The following ASXL1 variants were observed in gnomAD, a reference collection of about 807,000 sequenced individuals.
ASXL1 encodes ASXL transcriptional regulator 1, also known as polycomb group protein ASXL1.
ASXL1 carries 65 observed loss-of-function variants against 89.1 expected under a neutral mutation model. That is an observed-to-expected ratio of 0.73 (90% CI 0.60 to 0.90). The LOEUF (loss-of-function observed/expected upper bound fraction) is 0.90. Among genes scored for constraint, ASXL1 ranks in the 40% least tolerant of loss-of-function variants. The probability of loss-of-function intolerance (pLI) is 0.00; values close to 1 mark genes in which losing one functional copy is unlikely to be tolerated. For missense variants in ASXL1, 1,786 were observed against 1,942.9 expected (o/e 0.92, Z 1.52); for synonymous variants, 739 against 746.9 (o/e 0.99, Z 0.17).
chr20:32,427,409 G>T (rs2011350217), intron 4 of ASXL1: 1 of 153,490 alleles, frequency 6.5e-6, no homozygotes, highest in Non-Finnish European at 1.4e-5. Flanking sequence ...CATTCCTGTA[G>T]TTAATATTCT....
chr20:32,361,945 T>G (rs550375246), intron 1 of ASXL1, among the ~76,000 whole-genome samples: 1 of 152,056 alleles, frequency 6.6e-6, no homozygotes, highest in East Asian at 2.0e-4. Flanking sequence ...GGTGCATGCC[T>G]GTAACCTCAG....
chr20:32,409,752 T>TA lies in ASXL1; in HGVS notation c.253-18366dup, dbSNP rs796189362. Among the ~76,000 whole-genome samples, 446 of 148,646 alleles carry TA rather than the reference T, an allele frequency of 3.0e-3. 2 individuals are homozygous for TA. The highest frequency in any genetic ancestry group is 8.4e-3 in the African/African-American group (343 of 40,714). On this transcript the variant is annotated intron_variant, in intron 4 of 12. Transcript: ENST00000375687. Reference sequence around the variant, plus strand: ...GCAACAATAGTGAGATCCCTATCTTTAAAAAAAAAACTGCATATTTTACTG... The same window carrying TA: ...GCAACAATAGTGAGATCCCTATCTTTAAAAAAAAAAACTGCATATTTTACTG...
At chr20:32,367,591 G>A (rs2122822275) in intron 2 of ASXL1, 136 bp from the exon 3 acceptor site, 2 of 691,232 alleles carry the variant, frequency 2.9e-6, no homozygotes, top group Non-Finnish European at 5.3e-6. Context: ...AGGGAAGATT[G>A]AGATTGTCTA....
At position 32,366,913 on chromosome 20, in the gene ASXL1, C is replaced by T. The variant is rs2048213919; in HGVS notation, c.140+447C>T. Among the ~76,000 whole-genome samples the T allele has an allele frequency of 1.3e-5, 2 of 152,058 alleles. 1 individual carries two copies. The highest frequency in any genetic ancestry group is 4.1e-4 in the South Asian group (2 of 4,830). ...CTGACTTTTTTCCCCTTACTAATTGCAGTCATATATGATGTGAATTTACTA... is the reference window on the plus strand; with the variant it reads ...CTGACTTTTTTCCCCTTACTAATTGTAGTCATATATGATGTGAATTTACTA... On this transcript the variant is annotated intron_variant, in intron 2 of 12. Coordinates refer to ENST00000375687, the MANE Select transcript of ASXL1 (RefSeq NM_015338.6).
intron 1 of ASXL1, chr20:32,360,093 G>A (rs1167403620): frequency 7.3e-6 from 3 of 410,926 alleles, no homozygotes; most frequent in Non-Finnish European, 8.9e-6. Flanking sequence ...GACTGTATTG[G>A]GGGGGTTGAC....
rs918052657 is a variant in ASXL1 at position 32,400,623 on chromosome 20, T to C, written c.253-27505T>C. 4.6e-5 allele frequency among the ~76,000 whole-genome samples: 7 copies of C among 152,316 alleles called. No homozygotes were observed. In the East Asian group the frequency reaches 1.4e-3, roughly 29 times the overall value. On this transcript the variant is annotated intron_variant, in intron 4 of 12. Coordinates refer to ENST00000375687, the MANE Select transcript of ASXL1 (RefSeq NM_015338.6). ...ATGGTCTTGGGTAGTTTCATCACAC[T>C]ATGGGCCACTCAGTACTCAGTGAGT...
chr20:32,416,691 T>A (rs556530107), intron 4 of ASXL1, among the ~76,000 whole-genome samples: 1 of 152,206 alleles, frequency 6.6e-6, no homozygotes, highest in Non-Finnish European at 1.5e-5. Context: ...TGAGAATTTC[T>A]CTAAGGGACT....
Position 32,434,523 on chromosome 20 carries a change from C to T in ASXL1, c.1811C>T (p.Ser604Phe). ...CPRIIPTTES[S>F]CRGWTGARTL... ...CGGATCATCCCCACCACGGAGTCCT[C>T]CTGCCGGGGTTGGACTGGCGCCAGG... Residue 604 changes from serine (S) to phenylalanine (F), a missense_variant, in exon 13 of 13, where the codon TCC becomes TTC. Physicochemically the swap from Ser to Phe is radical, Grantham distance 155. Around this residue, in one of 3 missense-constraint regions of ASXL1, gnomAD observed 1,418 missense variants for 1,427.8 expected, o/e 0.99. Transcript: ENST00000375687. The T allele has an allele frequency of 6.2e-7, 1 of 1,614,020 alleles. No homozygotes were observed. The highest frequency in any genetic ancestry group is 1.1e-5 in the South Asian group (1 of 91,088).
chr20:32,359,942 A>G (rs1231626687), intron 1 of ASXL1: 14 of 680,134 alleles, frequency 2.1e-5, no homozygotes, highest in Admixed American at 4.2e-5. Context: ...TGCGGATAGC[A>G]TAAGTGTCTC....
chr20:32,415,829 G>GT (rs2049129080), intron 4 of ASXL1, among the ~76,000 whole-genome samples: 1 of 151,898 alleles, frequency 6.6e-6, no homozygotes, highest in East Asian at 1.9e-4. Flanking sequence ...AGTCATTCTA[G>GT]TGAACCCTCA....
chr20:32,418,982 G>A (rs751590324), intron 4 of ASXL1, among the ~76,000 whole-genome samples: 2 of 151,590 alleles, frequency 1.3e-5, no homozygotes, highest in African/African-American at 4.9e-5. Context: ...ACAGGTGCAC[G>A]CCACCATGTC....
At chr20:32,426,440 T>C in intron 4 of ASXL1, among the ~76,000 whole-genome samples, 1 of 151,932 alleles carries the variant, frequency 6.6e-6, no homozygotes, top group Admixed American at 6.6e-5. Context: ...ACCAAGAACA[T>C]GGCAGTCAAT....
At chr20:32,372,720 G>A (rs766102139) in intron 4 of ASXL1, among the ~76,000 whole-genome samples, 6 of 151,400 alleles carry the variant, frequency 4.0e-5, no homozygotes, top group South Asian at 2.1e-4. Flanking sequence ...TCAGCCTCCC[G>A]AGTAGCTAGG....
At chr20:32,417,399 G>A (rs894108504) in intron 4 of ASXL1, among the ~76,000 whole-genome samples, 2 of 152,058 alleles carry the variant, frequency 1.3e-5, no homozygotes, top group African/African-American at 4.8e-5. Flanking sequence ...ATTTCTTTAC[G>A]TTATATTCCA....
At chr20:32,418,282 A>C (rs1442624508) in intron 4 of ASXL1, among the ~76,000 whole-genome samples, 1 of 152,152 alleles carries the variant, frequency 6.6e-6, no homozygotes. Flanking sequence ...TGAGGTGGGA[A>C]GATCACTTAA....
At chr20:32,417,641 A>G (rs574880411) in intron 4 of ASXL1, among the ~76,000 whole-genome samples, 1 of 152,262 alleles carries the variant, frequency 6.6e-6, no homozygotes, top group Non-Finnish European at 1.5e-5. Context: ...TTAATGGACC[A>G]TTTTAGCCAC....
chr20:32,431,195 A>G (rs2011501235), intron 8 of ASXL1, 126 bp from the exon 9 acceptor site: 1 of 1,134,938 alleles, frequency 8.8e-7, no homozygotes, highest in Non-Finnish European at 1.3e-6. Flanking sequence ...GGACTGGACA[A>G]TTGAGCAGAT....
chr20:32,431,503 C>G lies in ASXL1; in HGVS notation c.882+19C>G. ...CAGACAGGTGCACATGGGCAGCCTC[C>G]CCTTTGCCTCTCTCTGGGTGGGCTT... On this transcript the variant is annotated intron_variant, in intron 9 of 12. Transcript: ENST00000375687. The G allele has an allele frequency of 6.2e-7, 1 of 1,614,124 alleles. No homozygotes were observed. The highest frequency in any genetic ancestry group is 8.5e-7 in the Non-Finnish European group (1 of 1,180,004).
intron 1 of ASXL1, among the ~76,000 whole-genome samples, chr20:32,362,486 A>G (rs1160285535): frequency 6.6e-6 from 1 of 152,148 alleles, no homozygotes; most frequent in African/African-American, 2.4e-5. Context: ...AATACAAAAA[A>G]TTAGCCAGGC....
Sources: gnomAD v4.1 joint callset for allele counts (sites outside exome capture counted in the v4.1 genomes callset) on GRCh38, gnomAD v4.1.1 for gene constraint, gnomAD v4.1.1 regional missense constraint, MANE v1.5 for transcripts, NCBI Gene and HGNC (gene_info 2026-07-23, HGNC 2026-07-21) for gene names.